Variants in SEMA3F observed in about 807,000 individuals in gnomAD.
The protein encoded by SEMA3F is semaphorin 3F.
SEMA3F carries 30 observed loss-of-function variants against 98.5 expected under a neutral mutation model. The observed-to-expected ratio is 0.30, with a 90% CI of 0.23 to 0.41. SEMA3F has a LOEUF of 0.41. SEMA3F is among the 10% of genes least tolerant of loss of function. The pLI, the probability that SEMA3F is intolerant of heterozygous loss-of-function variation, is 1.00. For missense variants in SEMA3F, 866 were observed against 1,119.3 expected, an observed-to-expected ratio of 0.77 and a Z score of 3.23; for synonymous variants, 380 against 444.8, an observed-to-expected ratio of 0.85 and a Z score of 1.83.
chr3:50,159,612 C>G lies in SEMA3F; in HGVS notation c.-11C>G. 1.9e-6 allele frequency: 3 copies of G among 1,560,826 alleles called. No individual in the cohort carries two copies. The highest frequency in any genetic ancestry group is 2.6e-6 in the Non-Finnish European group (3 of 1,136,488). The stretch of plus-strand genomic sequence containing the variant: ...TGGAGCCTGCTTCCTGGGCCCTAGG[C>G]CCCTCCCACAATGCTTGTCGCCGGT... On this transcript the variant is annotated 5_prime_UTR_variant, in exon 2 of 19. Coordinates refer to ENST00000002829, the MANE Select transcript of SEMA3F (RefSeq NM_004186.5).
chr3:50,173,535 AG>A (rs2109086520), intron 2 of SEMA3F: 1 of 477,698 alleles, frequency 2.1e-6, no homozygotes. Context: ...CCAGCTAGTC[AG>A]GAGGCTGAGA....
At position 50,155,710 on chromosome 3, in the gene SEMA3F, A is replaced by G. The variant is rs1330359872; in HGVS notation, c.-49+146A>G. 1 of 230,612 alleles carries G rather than the reference A, an allele frequency of 4.3e-6. No homozygotes were observed. The allele number at this position is 230,612 out of a possible 1,614,324, so 14.3% of individuals were successfully genotyped here. ...GGGGCTGCCCGCGGACATAGGGGCA[A>G]CAAGGCTGGGGTGGGATTCTTACCT... On this transcript the variant is annotated intron_variant, in intron 1 of 18. Transcript: ENST00000002829. The surrounding 1 kb of genome is among the most constrained non-coding windows in gnomAD (Gnocchi z 4.9).
intron 7 of SEMA3F, among the ~76,000 whole-genome samples, chr3:50,179,990 G>C (rs1291427079): frequency 6.6e-6 from 1 of 152,124 alleles, no homozygotes; most frequent in Non-Finnish European, 1.5e-5. Context: ...CTTATCATTT[G>C]TGTGTTTACT....
At position 50,158,906 on chromosome 3, in the gene SEMA3F, G is replaced by C. The variant is rs1202613600; in HGVS notation, c.-48-669G>C. 1 of 152,308 alleles carries C rather than the reference G, an allele frequency of 6.6e-6. No individual in the cohort carries two copies. Among genetic ancestry groups the C allele is most frequent in the Admixed American group, 6.5e-5 (1 of 15,288 alleles). The allele number at this position is 152,308 out of a possible 1,614,324, so 9.4% of individuals were successfully genotyped here. A position where few individuals can be genotyped will look rare whatever the true frequency, so the allele number is the denominator to read the frequency against. ...CCTAGCTTCCCTTCTTTGCCCTCTA[G>C]AGGCGGAGCTGGAAGTTTTCCCTGG... On this transcript the variant is annotated intron_variant, in intron 1 of 18. Transcript: ENST00000002829. This position sits in a 1 kb window ranked among gnomAD's most constrained non-coding sequence, Gnocchi z 4.8.
intron 6 of SEMA3F, 132 bp downstream of exon 6, chr3:50,175,320 T>G: frequency 1.5e-6 from 1 of 663,986 alleles, no homozygotes; most frequent in Non-Finnish European, 2.7e-6. Context: ...TCCCCACCCC[T>G]TCCCCTGAAG....
Position 50,172,179 on chromosome 3 carries a change from T to C in SEMA3F, c.113-1614T>C, listed in dbSNP as rs3774752. On this transcript the variant is annotated intron_variant, in intron 2 of 18. Transcript: ENST00000002829. Reference sequence around the variant, plus strand: ...CCAGCTGGGGAGGGGAGATGAGACATGTGTGACCCCCTTGGTGAGTGCCTC... The same window carrying C: ...CCAGCTGGGGAGGGGAGATGAGACACGTGTGACCCCCTTGGTGAGTGCCTC... Among the ~76,000 whole-genome samples, 8,223 of 152,238 alleles carry C rather than the reference T, an allele frequency of 0.054. 1,583 individuals are homozygous for C. In the East Asian group the frequency reaches 0.61, roughly 11 times the overall value.
At position 50,166,250 on chromosome 3, in the gene SEMA3F, A is replaced by G. The variant is rs926915790; in HGVS notation, c.112+6516A>G. ...CTTGGGGCTCGGTGCTGATGCCCTC[A>G]TTTCCCCCGGCCAGAGTCCACTGCC... On this transcript the variant is annotated intron_variant, in intron 2 of 18. Transcript: ENST00000002829. The surrounding 1 kb of genome is among the most constrained non-coding windows in gnomAD (Gnocchi z 4.7). Among the ~76,000 whole-genome samples the G allele has an allele frequency of 2.6e-5, 4 of 151,490 alleles. No homozygotes were observed. Among genetic ancestry groups the G allele is most frequent in the Admixed American group, 6.6e-5 (1 of 15,226 alleles).
At chr3:50,173,679 C>A in intron 2 of SEMA3F, 114 bp from the exon 3 acceptor site, 4 of 805,160 alleles carry the variant, frequency 5.0e-6, no homozygotes, top group African/African-American at 1.7e-5. Flanking sequence ...AAAGACCACT[C>A]TGTGGTGGGG....
Position 50,176,792 on chromosome 3 carries a change from G to C in SEMA3F, c.574G>C (p.Glu192Gln), listed in dbSNP as rs1698831232. ...RQDYIFYLEPERLESGKGKCP... is the reference protein window; with the variant it reads ...RQDYIFYLEPQRLESGKGKCP... ...GGATTACATCTTCTACCTGGAGCCT[G>C]AGCGACTCGAGTCAGGGAAGGGCAA... is the stretch of plus-strand genomic sequence containing the variant. Residue 192 changes from glutamate (E) to glutamine (Q), a missense_variant, in exon 7 of 19, where the codon GAG becomes CAG. Glu to Gln is a conservative substitution (Grantham distance 29). Transcript: ENST00000002829. 3 of 1,613,484 alleles carry C rather than the reference G, an allele frequency of 1.9e-6. No homozygotes were observed. Among genetic ancestry groups the C allele is most frequent in the Non-Finnish European group, 1.7e-6 (2 of 1,179,908 alleles).
rs1699220496 is a variant in SEMA3F, at chr3:50,186,527, T to G, written c.1814-86T>G. The stretch of plus-strand genomic sequence containing the variant: ...CAACACAGAGCACTACATTGGTGAG[T>G]GGGTGCCCCTCGGTGCCTGCCCCGA... On this transcript the variant is annotated intron_variant, in intron 17 of 18. Transcript: ENST00000002829. 2.6e-6 allele frequency: 4 copies of G among 1,510,168 alleles called. No individual in the cohort carries two copies. In the Admixed American group the frequency reaches 5.5e-5, roughly 21 times the overall value. The allele number at this position is 1,510,168 out of a possible 1,614,324, so 93.5% of individuals were successfully genotyped here.
intron 7 of SEMA3F, among the ~76,000 whole-genome samples, chr3:50,179,041 T>G (rs1698923114): frequency 6.6e-6 from 1 of 151,870 alleles, no homozygotes; most frequent in Non-Finnish European, 1.5e-5. Flanking sequence ...GCCAGGATGG[T>G]CTCGATCTCC....
rs1395490531 is a variant in SEMA3F at position 50,188,230 on chromosome 3, C to G, written c.*115C>G. Reference sequence around the variant, plus strand: ...TCTATATTCTATACACACCCTGCCCCTGCAAAGACAGTATTTATTGGTGGG... The same window carrying G: ...TCTATATTCTATACACACCCTGCCCGTGCAAAGACAGTATTTATTGGTGGG... On this transcript the variant is annotated 3_prime_UTR_variant, in exon 19 of 19. Coordinates refer to ENST00000002829, the MANE Select transcript of SEMA3F (RefSeq NM_004186.5). The surrounding 1 kb of genome is among the most constrained non-coding windows in gnomAD (Gnocchi z 4.5). 5.4e-6 allele frequency: 2 copies of G among 371,308 alleles called. No homozygotes were observed. Among genetic ancestry groups the G allele is most frequent in the African/African-American group, 4.2e-5 (2 of 47,226 alleles). The allele number at this position is 371,308 out of a possible 1,614,324, so 23.0% of individuals were successfully genotyped here. A position where few individuals can be genotyped will look rare whatever the true frequency, so the allele number is the denominator to read the frequency against.
intron 2 of SEMA3F, among the ~76,000 whole-genome samples, chr3:50,168,526 C>T (rs1486123429): frequency 6.6e-6 from 1 of 152,044 alleles, no homozygotes; most frequent in East Asian, 1.9e-4. Flanking sequence ...GAGGAAGGTA[C>T]GTACAAAGGC....
chr3:50,155,605 G>T lies in SEMA3F; in HGVS notation c.-49+41G>T. 1 of 274,518 alleles carries T rather than the reference G, an allele frequency of 3.6e-6. No individual in the cohort carries two copies. The highest frequency in any genetic ancestry group is 1.6e-4 in the South Asian group (1 of 6,188). 17.0% of individuals were successfully genotyped at this position (274,518 alleles called of 1,614,324 possible). On this transcript the variant is annotated intron_variant, in intron 1 of 18. Coordinates refer to ENST00000002829, the MANE Select transcript of SEMA3F (RefSeq NM_004186.5). The surrounding 1 kb of genome is among the most constrained non-coding windows in gnomAD (Gnocchi z 4.9). ...ACCGGGAGGGAGCGGGCAGGCGGCC[G>T]GGCCACCCCGCGACCCCTCTGGGAC...
Position 50,182,386 on chromosome 3 carries a change from A to G in SEMA3F, c.746A>G (p.Asn249Ser), listed in dbSNP as rs1311785713. ...KQTAMRTDQYNSRWLNDPSFI... is the reference protein window; with the variant it reads ...KQTAMRTDQYSSRWLNDPSFI... ...ACAGCCATGCGCACGGATCAGTACAACTCCCGGTGGCTGAACGGTAAGCGC... is the reference window on the plus strand; with the variant it reads ...ACAGCCATGCGCACGGATCAGTACAGCTCCCGGTGGCTGAACGGTAAGCGC... The change falls in exon 8 of 19, where the codon AAC becomes AGC. Residue 249 changes from asparagine to serine, a missense_variant. By Grantham distance (46) the Asn-to-Ser change is conservative (BLOSUM62 1). This residue lies in a region of SEMA3F where 374 missense variants were observed against 582.8 expected (regional missense o/e 0.64). Transcript: ENST00000002829. The surrounding 1 kb of genome is among the most constrained non-coding windows in gnomAD (Gnocchi z 4.5). 3.1e-6 allele frequency: 5 copies of G among 1,613,470 alleles called. No homozygotes were observed. Among genetic ancestry groups the G allele is most frequent in the Non-Finnish European group, 4.2e-6 (5 of 1,179,944 alleles).
At chr3:50,170,858 A>G (rs891781312) in intron 2 of SEMA3F, among the ~76,000 whole-genome samples, 2 of 151,700 alleles carry the variant, frequency 1.3e-5, no homozygotes, top group African/African-American at 4.9e-5. Context: ...AGAGCCATTG[A>G]CGCCATATCC....
rs1323021161 is a variant in SEMA3F at position 50,158,536 on chromosome 3, A to C, written c.-48-1039A>C. Among the ~76,000 whole-genome samples the C allele has an allele frequency of 1.3e-5, 2 of 151,948 alleles. No homozygotes were observed. The highest frequency in any genetic ancestry group is 4.8e-5 in the African/African-American group (2 of 41,342). On this transcript the variant is annotated intron_variant, in intron 1 of 18. Coordinates refer to ENST00000002829, the MANE Select transcript of SEMA3F (RefSeq NM_004186.5). This position sits in a 1 kb window ranked among gnomAD's most constrained non-coding sequence, Gnocchi z 4.8. The stretch of plus-strand genomic sequence containing the variant: ...GGAGTCCCAGGCCATAGTACTGCCA[A>C]CTCCCATCCCAGCATCCTAGAGATG...
chr3:50,165,875 G>T lies in SEMA3F; in HGVS notation c.112+6141G>T, dbSNP rs192022433. ...TGGTCCTGACCCAGCAACGAATGGGGTCTGGGCAGTGGCTGCTGGCCTAGG... is the reference window on the plus strand; with the variant it reads ...TGGTCCTGACCCAGCAACGAATGGGTTCTGGGCAGTGGCTGCTGGCCTAGG... On this transcript the variant is annotated intron_variant, in intron 2 of 18. Coordinates refer to ENST00000002829, the MANE Select transcript of SEMA3F (RefSeq NM_004186.5). 3.7e-3 allele frequency among the ~76,000 whole-genome samples: 563 copies of T among 152,350 alleles called. 2 individuals are homozygous for T. The highest frequency in any genetic ancestry group is 6.2e-3 in the Non-Finnish European group (424 of 68,030).
chr3:50,186,330 C>T lies in SEMA3F; in HGVS notation c.1795C>T (p.Arg599Cys), dbSNP rs1294166107. ...GCACGGAAACCCCATCAGGCAGTGC[C>T]GTGGGTTCAACTCCAATGGTGAGTA... is the stretch of plus-strand genomic sequence containing the variant. The part of the protein sequence containing the change: ...VRHGNPIRQC[R>C]GFNSNANKNA... The change falls in exon 17 of 19, where the codon CGT becomes TGT. Residue 599 changes from arginine to cysteine, a missense_variant. Physicochemically the swap from Arg to Cys is radical, Grantham distance 180 (BLOSUM62 -3). Coordinates refer to ENST00000002829, the MANE Select transcript of SEMA3F (RefSeq NM_004186.5). 3.7e-6 allele frequency: 6 copies of T among 1,613,728 alleles called. No homozygotes were observed. Among genetic ancestry groups the T allele is most frequent in the South Asian group, 3.3e-5 (3 of 91,074 alleles).
Sources: allele counts gnomAD v4.1 joint callset (sites outside exome capture counted in the v4.1 genomes callset), GRCh38; gene constraint gnomAD v4.1.1; regional missense constraint gnomAD v4.1.1; non-coding constraint Gnocchi (gnomAD v3.1); transcripts MANE v1.5; gene names NCBI Gene and HGNC (gene_info 2026-07-23, HGNC 2026-07-21).